Variants in RANBP2 observed in about 807,000 individuals in gnomAD.
The protein encoded by RANBP2 is E3 SUMO-protein ligase RanBP2.
A neutral mutation model predicts 303.6 loss-of-function variants in RANBP2; 57 were observed. The ratio of observed to expected loss-of-function variants is 0.19; its 90% confidence interval spans 0.15 to 0.23. The LOEUF (loss-of-function observed/expected upper bound fraction) is 0.23, where lower values mean the gene tolerates loss of function less well. Among genes scored for constraint, RANBP2 ranks in the 10% least tolerant of loss-of-function variants. RANBP2 has a pLI of 1.00. For missense variants in RANBP2, 3,138 were observed against 3,780.8 expected (o/e 0.83, Z 4.46); for synonymous variants, 1,167 against 1,301.5 (o/e 0.90, Z 2.23).
At chr2:109,295,067 C>A in the RANBP2 span, among the ~76,000 whole-genome samples, 1 of 152,260 alleles carries the variant, frequency 6.6e-6, no homozygotes, top group East Asian at 1.9e-4. Context: ...CCACTGTTGT[C>A]CATGTCACAG....
chr2:109,272,887 C>T, the RANBP2 span, among the ~76,000 whole-genome samples: 13 of 152,310 alleles, frequency 8.5e-5, no homozygotes, highest in South Asian at 8.3e-4. Context: ...ATCCCTGACC[C>T]GGTTCCCTTG....
the RANBP2 span, chr2:109,130,237 C>G: frequency 2.1e-6 from 2 of 935,762 alleles, no homozygotes; most frequent in Non-Finnish European, 2.8e-6. Flanking sequence ...GCCCACTCCG[C>G]TGTTGCTCTT....
At chr2:108,948,479 ATAC>A in the RANBP2 span, among the ~76,000 whole-genome samples, 1 of 152,212 alleles carries the variant, frequency 6.6e-6, no homozygotes, top group Non-Finnish European at 1.5e-5. Context: ...TGCTATAAAG[ATAC>A]TACCTGAGAC....
the RANBP2 span, among the ~76,000 whole-genome samples, chr2:109,727,489 T>C: frequency 6.6e-6 from 1 of 152,228 alleles, no homozygotes; most frequent in Non-Finnish European, 1.5e-5. Context: ...TCCTTTTCAC[T>C]ACATGTACCT....
chr2:109,257,924 T>A, the RANBP2 span, among the ~76,000 whole-genome samples: 1 of 152,050 alleles, frequency 6.6e-6, no homozygotes, highest in South Asian at 2.1e-4. Context: ...GGGCTCAGAA[T>A]GAATTAGACC....
chr2:109,066,995 A>C, the RANBP2 span, among the ~76,000 whole-genome samples: 1 of 152,108 alleles, frequency 6.6e-6, no homozygotes, highest in African/African-American at 2.4e-5. Flanking sequence ...CAGAAAACCT[A>C]ATGTTTTATC....
At chr2:109,353,688 C>T in the RANBP2 span, among the ~76,000 whole-genome samples, 6 of 151,720 alleles carry the variant, frequency 4.0e-5, no homozygotes, top group South Asian at 1.0e-3. Flanking sequence ...CCCTAGACTG[C>T]GTGCCCAATG....
chr2:109,413,364 T>G, the RANBP2 span, among the ~76,000 whole-genome samples: 1 of 152,230 alleles, frequency 6.6e-6, no homozygotes, highest in Non-Finnish European at 1.5e-5. Flanking sequence ...TCTGCTTGCC[T>G]TGGCCTCCCA....
chr2:108,930,224 C>T, the RANBP2 span: 1 of 1,613,998 alleles, frequency 6.2e-7, no homozygotes, highest in Non-Finnish European at 8.5e-7. Flanking sequence ...TCCGCTCGGG[C>T]TGAGCACATC....
At chr2:109,724,868 A>G in the RANBP2 span, among the ~76,000 whole-genome samples, 1 of 152,212 alleles carries the variant, frequency 6.6e-6, no homozygotes, top group African/African-American at 2.4e-5. Context: ...GAGGTATGCC[A>G]GGCCAGGGGC....
chr2:108,965,203 C>T, the RANBP2 span, among the ~76,000 whole-genome samples: 1 of 152,040 alleles, frequency 6.6e-6, no homozygotes, highest in Non-Finnish European at 1.5e-5. Context: ...ATGGGCCAGG[C>T]GCGGTGGCTC....
the RANBP2 span, among the ~76,000 whole-genome samples, chr2:109,711,675 T>C: frequency 0.031 from 4,692 of 152,210 alleles, 226 homozygotes; most frequent in African/African-American, 0.098. Flanking sequence ...CACCAGCCTG[T>C]CCTGGCCTCT....
the RANBP2 span, among the ~76,000 whole-genome samples, chr2:109,424,445 G>A: frequency 1.4e-4 from 21 of 151,730 alleles, no homozygotes; most frequent in South Asian, 4.2e-4. Flanking sequence ...TCATTTCATC[G>A]CACTTCACTT....
the RANBP2 span, among the ~76,000 whole-genome samples, chr2:109,117,618 T>A: frequency 6.6e-6 from 1 of 152,238 alleles, no homozygotes; most frequent in Non-Finnish European, 1.5e-5. Flanking sequence ...CTGCTTCAGC[T>A]CGCGCACGGT....
chr2:109,398,980 T>A, the RANBP2 span: 1 of 1,563,290 alleles, frequency 6.4e-7, no homozygotes, highest in South Asian at 1.2e-5. Flanking sequence ...ATCCCTGGGT[T>A]CTCTGGGGTT....
At chr2:108,979,708 G>C in the RANBP2 span, among the ~76,000 whole-genome samples, 1 of 152,122 alleles carries the variant, frequency 6.6e-6, no homozygotes, top group African/African-American at 2.4e-5. Context: ...GAGGAGAGGA[G>C]GGCTTGAGCA....
the RANBP2 span, among the ~76,000 whole-genome samples, chr2:109,045,663 G>C: frequency 6.6e-6 from 1 of 152,160 alleles, no homozygotes; most frequent in Non-Finnish European, 1.5e-5. Flanking sequence ...GGTGGCGCTT[G>C]GCCTGGTGAC....
chr2:109,251,736 C>A, the RANBP2 span: 3 of 655,844 alleles, frequency 4.6e-6, no homozygotes, highest in South Asian at 3.8e-5. Context: ...TGTACATTTT[C>A]ATATTAGACT....
chr2:109,565,971 G>T, the RANBP2 span: 1 of 980,822 alleles, frequency 1.0e-6, no homozygotes, highest in East Asian at 2.4e-5. Flanking sequence ...TATTAAAATC[G>T]AATGGTCAGC....
Sources: allele counts gnomAD v4.1 joint callset (sites outside exome capture counted in the v4.1 genomes callset), GRCh38; gene constraint gnomAD v4.1.1; transcripts MANE v1.5; gene names NCBI Gene and HGNC (gene_info 2026-07-23, HGNC 2026-07-21).